B3GALT1: variants seen among roughly 807,000 people sequenced by gnomAD.
The protein encoded by B3GALT1 is UDP-Gal:betaGlcNAc beta 1,3-galactosyltransferase, polypeptide 1.
A neutral mutation model predicts 23.2 loss-of-function variants in B3GALT1; 10 were observed. The observed-to-expected ratio is 0.43, with a 90% CI of 0.27 to 0.73. B3GALT1 has a LOEUF of 0.73. Among genes scored for constraint, B3GALT1 ranks in the 30% least tolerant of loss-of-function variants. The probability of loss-of-function intolerance (pLI) is 0.21; values close to 1 mark genes in which losing one functional copy is unlikely to be tolerated. For missense variants in B3GALT1, 299 were observed against 405.4 expected, an observed-to-expected ratio of 0.74 and a Z score of 2.25; for synonymous variants, 156 against 141.5, an observed-to-expected ratio of 1.10 and a Z score of -0.73.
intron 3 of B3GALT1, among the ~76,000 whole-genome samples, chr2:167,716,523 C>CT (rs1687149629): frequency 6.6e-6 from 1 of 152,080 alleles, no homozygotes; most frequent in South Asian, 2.1e-4. Flanking sequence ...TGTAATATAT[C>CT]TTTTTTCATC....
At chr2:167,377,893 A>G (rs1697790023) in intron 1 of B3GALT1, among the ~76,000 whole-genome samples, 1 of 151,926 alleles carries the variant, frequency 6.6e-6, no homozygotes, top group Admixed American at 6.6e-5. Context: ...TGTAGTTTGT[A>G]CTGTGTGGTT....
chr2:167,695,026 G>C (rs1686771129), intron 3 of B3GALT1, among the ~76,000 whole-genome samples: 1 of 152,068 alleles, frequency 6.6e-6, no homozygotes, highest in Admixed American at 6.5e-5. Context: ...TCTCAATTGA[G>C]CTCTGCCCAA....
chr2:167,619,751 C>A (rs1229363159), intron 2 of B3GALT1, among the ~76,000 whole-genome samples: 2 of 152,060 alleles, frequency 1.3e-5, no homozygotes, highest in African/African-American at 4.8e-5. Context: ...CAGTTGTCAA[C>A]TGTGAAATTT....
intron 2 of B3GALT1, among the ~76,000 whole-genome samples, chr2:167,507,504 CA>C (rs60408245): frequency 0.051 from 1,363 of 26,516 alleles, 2 homozygotes; most frequent in East Asian, 0.095. Flanking sequence ...GACTCCGTCT[CA>C]AAAAAAAAAA....
intron 3 of B3GALT1, among the ~76,000 whole-genome samples, chr2:167,716,855 T>C (rs1206474629): frequency 4.6e-5 from 7 of 152,230 alleles, no homozygotes; most frequent in Admixed American, 2.0e-4. Flanking sequence ...GGTTGCATTT[T>C]ATAGCTTAGT....
intron 1 of B3GALT1, among the ~76,000 whole-genome samples, chr2:167,326,043 A>G (rs1054200110): frequency 1.1e-4 from 16 of 151,272 alleles, no homozygotes; most frequent in Non-Finnish European, 2.1e-4. Flanking sequence ...TGGCTGCACT[A>G]AATGTCTAAA....
At chr2:167,366,216 C>G (rs1367461499) in intron 1 of B3GALT1, among the ~76,000 whole-genome samples, 1 of 151,934 alleles carries the variant, frequency 6.6e-6, no homozygotes, top group African/African-American at 2.4e-5. Context: ...GGCTTACCAA[C>G]TTAAAATTAT....
chr2:167,314,564 C>T (rs1696682703), intron 1 of B3GALT1, among the ~76,000 whole-genome samples: 1 of 152,000 alleles, frequency 6.6e-6, no homozygotes, highest in Non-Finnish European at 1.5e-5. Flanking sequence ...TTTTCAAAGG[C>T]GAAAATATTC....
chr2:167,564,599 G>A (rs886963689), intron 2 of B3GALT1, among the ~76,000 whole-genome samples: 22 of 152,290 alleles, frequency 1.4e-4, no homozygotes, highest in East Asian at 1.2e-3. Flanking sequence ...ACGAGACTCC[G>A]TCTGCAATCC....
At chr2:167,528,684 T>C (rs928845713) in intron 2 of B3GALT1, among the ~76,000 whole-genome samples, 2 of 152,220 alleles carry the variant, frequency 1.3e-5, no homozygotes, top group African/African-American at 4.8e-5. Flanking sequence ...TATACAGTTT[T>C]TTCATTAATT....
chr2:167,593,313 C>G (rs1684716994), intron 2 of B3GALT1, among the ~76,000 whole-genome samples: 1 of 151,930 alleles, frequency 6.6e-6, no homozygotes, highest in Non-Finnish European at 1.5e-5. Flanking sequence ...AATATAGATC[C>G]CAAGATATTA....
intron 2 of B3GALT1, among the ~76,000 whole-genome samples, chr2:167,646,471 A>G (rs1685749928): frequency 6.6e-6 from 1 of 152,034 alleles, no homozygotes; most frequent in African/African-American, 2.4e-5. Flanking sequence ...TCTTTGTCCA[A>G]CTCACCAATG....
chr2:167,381,058 C>G (rs1697840993), intron 1 of B3GALT1, among the ~76,000 whole-genome samples: 1 of 152,072 alleles, frequency 6.6e-6, no homozygotes, highest in Non-Finnish European at 1.5e-5. Flanking sequence ...AATAACACTT[C>G]TGGGTTTTTT....
chr2:167,552,477 A>G (rs1683766066), intron 2 of B3GALT1, among the ~76,000 whole-genome samples: 1 of 152,228 alleles, frequency 6.6e-6, no homozygotes, highest in Non-Finnish European at 1.5e-5. Context: ...ATACTATAAT[A>G]AAGTAGATAA....
intron 1 of B3GALT1, among the ~76,000 whole-genome samples, chr2:167,379,749 T>C (rs1697818193): frequency 6.6e-6 from 1 of 152,230 alleles, no homozygotes; most frequent in Admixed American, 6.5e-5. Flanking sequence ...AGGGCCATAC[T>C]GGGCAGGTCC....
At chr2:167,472,387 C>T (rs1290522716) in intron 1 of B3GALT1, among the ~76,000 whole-genome samples, 1 of 152,020 alleles carries the variant, frequency 6.6e-6, no homozygotes, top group African/African-American at 2.4e-5. Flanking sequence ...TGTATTAGAC[C>T]TTTCCAAACC....
At chr2:167,807,640 A>G (rs1042761390) in intron 3 of B3GALT1, among the ~76,000 whole-genome samples, 8 of 152,164 alleles carry the variant, frequency 5.3e-5, no homozygotes, top group Non-Finnish European at 1.0e-4. Flanking sequence ...TGAGTTTCTT[A>G]ATCCTGAGTT....
At position 167,640,555 on chromosome 2, in the gene B3GALT1, T is replaced by C. The variant is rs11884315; in HGVS notation, c.-409-6354T>C. Among the ~76,000 whole-genome samples the C allele has an allele frequency of 1.8e-3, 265 of 151,392 alleles. 1 individual carries two copies. The highest frequency in any genetic ancestry group is 5.6e-3 in the Admixed American group (85 of 15,166). On this transcript the variant is annotated intron_variant, in intron 2 of 4. Coordinates refer to ENST00000392690, the MANE Select transcript of B3GALT1 (RefSeq NM_020981.4). ...TTTTACTGTAAGTTTGATTTTTTTT[T>C]CCCCCTCAGAATCAACCCTCTGCAT...
At chr2:167,608,101 T>C (rs773198046) in intron 2 of B3GALT1, among the ~76,000 whole-genome samples, 7 of 152,196 alleles carry the variant, frequency 4.6e-5, no homozygotes, top group African/African-American at 7.2e-5. Flanking sequence ...CTGATATGTC[T>C]AACGGCCCAT....
Sources: gnomAD v4.1 joint callset for allele counts (sites outside exome capture counted in the v4.1 genomes callset) on GRCh38, gnomAD v4.1.1 for gene constraint, MANE v1.5 for transcripts, NCBI Gene and HGNC (gene_info 2026-07-23, HGNC 2026-07-21) for gene names.